Variants in CDK14 observed in about 807,000 individuals in gnomAD.
CDK14 encodes the protein cyclin dependent kinase 14.
A neutral mutation model predicts 60.7 loss-of-function variants in CDK14; 34 were observed. That is an observed-to-expected ratio of 0.56 (90% CI 0.43 to 0.75). CDK14 has a LOEUF of 0.75. CDK14 is among the 30% of genes least tolerant of loss of function. The pLI, the probability that CDK14 is intolerant of heterozygous loss-of-function variation, is 0.00. For synonymous variants in CDK14, 197 were observed against 203.7 expected (o/e 0.97, Z 0.28); for missense variants, 482 against 564.1 (o/e 0.85, Z 1.47).
At chr7:91,011,606 C>A (rs1422714687) in intron 10 of CDK14, among the ~76,000 whole-genome samples, 1 of 152,086 alleles carries the variant, frequency 6.6e-6, no homozygotes, top group Non-Finnish European at 1.5e-5. Context: ...GACTGATTAT[C>A]ACATGACTCA....
intron 14 of CDK14, among the ~76,000 whole-genome samples, chr7:91,194,959 T>C (rs1802487108): frequency 6.6e-6 from 1 of 152,152 alleles, no homozygotes; most frequent in South Asian, 2.1e-4. Flanking sequence ...GAGCCTGGGG[T>C]GTGCTGGCTC....
intron 2 of CDK14, among the ~76,000 whole-genome samples, chr7:90,615,054 T>A (rs1032492465): frequency 1.3e-5 from 2 of 152,170 alleles, no homozygotes; most frequent in African/African-American, 4.8e-5. Context: ...AAATTAATAG[T>A]TTTCCTGTTT....
At chr7:90,638,123 C>A (rs945320771) in intron 2 of CDK14, among the ~76,000 whole-genome samples, 11 of 151,802 alleles carry the variant, frequency 7.2e-5, no homozygotes, top group African/African-American at 2.4e-4. Context: ...GCATTTAGTC[C>A]ATTTACATTT....
chr7:91,018,795 A>C (rs1253338382), intron 10 of CDK14, among the ~76,000 whole-genome samples: 2 of 152,072 alleles, frequency 1.3e-5, no homozygotes, highest in African/African-American at 4.8e-5. Flanking sequence ...ATGATTGTGA[A>C]TTTTCTGAGG....
chr7:91,039,306 A>G (rs571074913), intron 10 of CDK14, among the ~76,000 whole-genome samples: 11 of 152,188 alleles, frequency 7.2e-5, no homozygotes, highest in Non-Finnish European at 1.5e-4. Context: ...CAAGGCAGAC[A>G]CTTTTTAAAA....
chr7:90,848,450 G>T (rs1239878357), intron 5 of CDK14, among the ~76,000 whole-genome samples: 1 of 152,214 alleles, frequency 6.6e-6, no homozygotes, highest in Admixed American at 6.5e-5. Flanking sequence ...AAGCCTGGCA[G>T]TATGGCCTGG....
At chr7:91,032,443 T>G (rs1796787999) in intron 10 of CDK14, among the ~76,000 whole-genome samples, 1 of 152,192 alleles carries the variant, frequency 6.6e-6, no homozygotes, top group Non-Finnish European at 1.5e-5. Context: ...AAATGGGTCT[T>G]TGCAGGTGGG....
intron 2 of CDK14, among the ~76,000 whole-genome samples, chr7:90,639,964 C>T (rs1800278709): frequency 6.6e-6 from 1 of 152,092 alleles, no homozygotes; most frequent in African/African-American, 2.4e-5. Context: ...GTTTTTAAGC[C>T]CGTAGGAAAA....
chr7:90,898,122 T>C (rs1792393117), intron 6 of CDK14, among the ~76,000 whole-genome samples: 1 of 152,238 alleles, frequency 6.6e-6, no homozygotes, highest in African/African-American at 2.4e-5. Flanking sequence ...CTAGACCTCA[T>C]TGGGTTTCCC....
intron 10 of CDK14, among the ~76,000 whole-genome samples, chr7:90,997,277 T>C (rs1458900802): frequency 6.6e-6 from 1 of 152,214 alleles, no homozygotes; most frequent in African/African-American, 2.4e-5. Flanking sequence ...GCAAACAGTA[T>C]GTGCCCTGAC....
intron 5 of CDK14, among the ~76,000 whole-genome samples, chr7:90,842,290 T>C (rs1418640164): frequency 2.0e-5 from 3 of 152,148 alleles, no homozygotes; most frequent in African/African-American, 7.2e-5. Context: ...TTTGTTCCTG[T>C]CAAACGATCC....
intron 14 of CDK14, among the ~76,000 whole-genome samples, chr7:91,163,280 C>G (rs1486904016): frequency 6.6e-6 from 1 of 152,168 alleles, no homozygotes; most frequent in African/African-American, 2.4e-5. Context: ...TTCTTCATGT[C>G]TTGCTGGTCC....
intron 5 of CDK14, among the ~76,000 whole-genome samples, chr7:90,860,587 G>A (rs1324410618): frequency 6.9e-6 from 1 of 145,278 alleles, no homozygotes; most frequent in Non-Finnish European, 1.5e-5. Flanking sequence ...CTGCAGTGGT[G>A]TGATCTCAGC....
chr7:90,736,338 T>C (rs1803105729), intron 3 of CDK14, among the ~76,000 whole-genome samples: 1 of 88,018 alleles, frequency 1.1e-5, no homozygotes, highest in Non-Finnish European at 2.2e-5. Flanking sequence ...AGGGGTACTT[T>C]ATTATGTTTT....
intron 8 of CDK14, among the ~76,000 whole-genome samples, chr7:90,939,598 C>A (rs183308631): frequency 6.6e-6 from 1 of 152,312 alleles, no homozygotes; most frequent in East Asian, 1.9e-4. Context: ...TCATTGCATT[C>A]ATTTTATGAA....
At position 91,052,849 on chromosome 7, in the gene CDK14, A is replaced by G. The variant is rs535792652; in HGVS notation, c.1105+6889A>G. On this transcript the variant is annotated intron_variant, in intron 11 of 14. Coordinates refer to ENST00000380050, the MANE Select transcript of CDK14 (RefSeq NM_001287135.2). ...TTTGAAGAAAATGGACTGTCTCCCA[A>G]CGAATGAAATAATATAAAGAATTTG... Among the ~76,000 whole-genome samples, 152 of 152,360 alleles carry G rather than the reference A, an allele frequency of 1.0e-3. 1 individual carries two copies. Among genetic ancestry groups the G allele is most frequent in the African/African-American group, 3.5e-3 (147 of 41,588 alleles).
chr7:90,649,226 C>G (rs1473170917), intron 2 of CDK14, among the ~76,000 whole-genome samples: 4 of 133,970 alleles, frequency 3.0e-5, no homozygotes, highest in African/African-American at 8.3e-5. Flanking sequence ...AGCAACAGCT[C>G]TAGCCTATAG....
chr7:91,064,213 C>T (rs1285921662), intron 11 of CDK14, among the ~76,000 whole-genome samples: 2 of 152,106 alleles, frequency 1.3e-5, no homozygotes, highest in African/African-American at 2.4e-5. Context: ...GCATGTTTTT[C>T]GTTGCTGGTC....
At chr7:91,160,072 A>C (rs1801119666) in intron 14 of CDK14, among the ~76,000 whole-genome samples, 1 of 152,240 alleles carries the variant, frequency 6.6e-6, no homozygotes, top group Non-Finnish European at 1.5e-5. Context: ...TAGAGATTAT[A>C]CTTAGGAATG....
Sources: gnomAD v4.1 joint callset for allele counts (sites outside exome capture counted in the v4.1 genomes callset) on GRCh38, gnomAD v4.1.1 for gene constraint, MANE v1.5 for transcripts, NCBI Gene and HGNC (gene_info 2026-07-23, HGNC 2026-07-21) for gene names.